NAALADL2: variants seen among roughly 807,000 people sequenced by gnomAD.
The protein encoded by NAALADL2 is N-acetylated alpha-linked acidic dipeptidase like 2.
In NAALADL2, 76 loss-of-function variants were observed where a neutral mutation model predicts 87.2. The ratio of observed to expected loss-of-function variants is 0.87; its 90% confidence interval spans 0.72 to 1.05. The LOEUF is 1.05. Ranked by LOEUF, NAALADL2 falls within the 50% of genes least tolerant of loss-of-function variation. NAALADL2 has a pLI of 0.00. For missense variants in NAALADL2, 1,089 were observed against 945.8 expected, an observed-to-expected ratio of 1.15 and a Z score of -1.99; for synonymous variants, 354 against 331.0, an observed-to-expected ratio of 1.07 and a Z score of -0.75.
chr3:175,690,399 A>G (rs1025031694), intron 11 of NAALADL2, among the ~76,000 whole-genome samples: 1 of 152,126 alleles, frequency 6.6e-6, no homozygotes, highest in African/African-American at 2.4e-5. Context: ...TGATACTATC[A>G]TAAGGCAAAC....
chr3:175,436,000 C>T (rs1334598594), intron 5 of NAALADL2, among the ~76,000 whole-genome samples: 1 of 115,268 alleles, frequency 8.7e-6, no homozygotes, highest in African/African-American at 3.3e-5. Context: ...TCCCTCCCCC[C>T]TCCCCCCACC....
chr3:175,698,718 A>G (rs2149956158), intron 11 of NAALADL2, among the ~76,000 whole-genome samples: 1 of 151,750 alleles, frequency 6.6e-6, no homozygotes, highest in Non-Finnish European at 1.5e-5. Flanking sequence ...TATTTAAGTT[A>G]AAGACATTAT....
intron 1 of NAALADL2, among the ~76,000 whole-genome samples, chr3:174,861,648 T>C (rs1054770211): frequency 8.5e-5 from 13 of 152,108 alleles, no homozygotes; most frequent in Admixed American, 2.6e-4. Context: ...TAGATTATCA[T>C]TGGAACTCCA....
chr3:175,424,278 C>T (rs1222253798), intron 5 of NAALADL2, among the ~76,000 whole-genome samples: 1 of 152,108 alleles, frequency 6.6e-6, no homozygotes, highest in Non-Finnish European at 1.5e-5. Context: ...TCCCATTTGT[C>T]AATTTTGGCT....
chr3:175,267,527 A>AAATT (rs750678120), intron 4 of NAALADL2, among the ~76,000 whole-genome samples: 2 of 152,154 alleles, frequency 1.3e-5, no homozygotes, highest in Non-Finnish European at 2.9e-5. Flanking sequence ...AAACTCTGTT[A>AAATT]AATTTATTTT....
intron 5 of NAALADL2, among the ~76,000 whole-genome samples, chr3:175,354,195 G>A (rs1018661012): frequency 1.3e-5 from 2 of 152,044 alleles, no homozygotes; most frequent in Admixed American, 6.6e-5. Flanking sequence ...GTACCTTATC[G>A]ATGACACCTT....
At chr3:174,544,567 C>CTTTTTTTTTTTTTTTTTT (rs10575227) in intron 1 of NAALADL2, among the ~76,000 whole-genome samples, 7 of 115,166 alleles carry the variant, frequency 6.1e-5, no homozygotes, top group Non-Finnish European at 1.2e-4. Flanking sequence ...TTTTTGTTTT[C>CTTTTTTTTTTTTTTTTTT]TTTTTTTTTT....
intron 1 of NAALADL2, among the ~76,000 whole-genome samples, chr3:174,931,152 C>T (rs1736836204): frequency 6.6e-6 from 1 of 152,070 alleles, no homozygotes; most frequent in African/African-American, 2.4e-5. Flanking sequence ...GACTATAAAG[C>T]CATGCCTGTG....
Position 175,339,599 on chromosome 3 carries a change from T to C in NAALADL2, c.1090+15274T>C, listed in dbSNP as rs1319753033. On this transcript the variant is annotated intron_variant, in intron 5 of 13. Coordinates refer to ENST00000454872, the MANE Select transcript of NAALADL2 (RefSeq NM_207015.3). Reference sequence around the variant, plus strand: ...CTAGTCCTGAGCAAAAGAATGAATATGAGAATGGGCACAGAATATAAGTGG... The same window carrying C: ...CTAGTCCTGAGCAAAAGAATGAATACGAGAATGGGCACAGAATATAAGTGG... 2.0e-5 allele frequency among the ~76,000 whole-genome samples: 3 copies of C among 152,194 alleles called. No homozygotes were observed. In the East Asian group the frequency reaches 5.8e-4, roughly 29 times the overall value.
intron 3 of NAALADL2, among the ~76,000 whole-genome samples, chr3:174,854,236 G>T (rs59374224): frequency 2.8e-4 from 42 of 152,114 alleles, no homozygotes; most frequent in Non-Finnish European, 4.7e-4. Flanking sequence ...GCAGTACATG[G>T]ATGGAACTGG....
Position 175,583,428 on chromosome 3 carries a change from G to A in NAALADL2, c.1800+7241G>A, listed in dbSNP as rs560892729. Among the ~76,000 whole-genome samples, 5 of 150,380 alleles carry A rather than the reference G, an allele frequency of 3.3e-5. No individual in the cohort carries two copies. The South Asian group carries it at 8.4e-4, about 25-fold the overall frequency. On this transcript the variant is annotated intron_variant, in intron 10 of 13. Coordinates refer to ENST00000454872, the MANE Select transcript of NAALADL2 (RefSeq NM_207015.3). ...TAATTGTTACATAAGCTTGTGAATC[G>A]TGAATATGAAAGAAAAGCTGCTAAG...
intron 5 of NAALADL2, among the ~76,000 whole-genome samples, chr3:175,388,986 T>G (rs1268326953): frequency 6.6e-6 from 1 of 152,118 alleles, no homozygotes; most frequent in Non-Finnish European, 1.5e-5. Flanking sequence ...CTATTTTGTT[T>G]CTGTTTAATG....
At chr3:175,635,717 A>G (rs1416404858) in intron 11 of NAALADL2, among the ~76,000 whole-genome samples, 1 of 142,948 alleles carries the variant, frequency 7.0e-6, no homozygotes, top group South Asian at 2.2e-4. Flanking sequence ...TTTTGATGTT[A>G]ATTTCTGCAT....
intron 2 of NAALADL2, among the ~76,000 whole-genome samples, chr3:174,718,139 T>A (rs755274974): frequency 6.6e-6 from 1 of 151,816 alleles, no homozygotes; most frequent in Non-Finnish European, 1.5e-5. Context: ...AAACAAAAAA[T>A]GAAACAAAAA....
chr3:174,720,064 T>A (rs921904451), intron 2 of NAALADL2, among the ~76,000 whole-genome samples: 11 of 152,292 alleles, frequency 7.2e-5, no homozygotes, highest in African/African-American at 2.4e-4. Context: ...CCTCCTGAAG[T>A]GCTGGGATTA....
intron 11 of NAALADL2, among the ~76,000 whole-genome samples, chr3:175,713,891 C>T (rs1740875354): frequency 6.6e-6 from 1 of 151,064 alleles, no homozygotes; most frequent in African/African-American, 2.5e-5. Flanking sequence ...GCCCCCCACT[C>T]CCCAATAGGC....
chr3:174,895,769 C>T lies in NAALADL2; in HGVS notation c.43+36319C>T, dbSNP rs375687247. ...CAAACAAACAACTGCAGGCCAATAA[C>T]TCTGATAAATATTGAATAAAAAATC... On this transcript the variant is annotated intron_variant, in intron 1 of 13. Coordinates refer to ENST00000454872, the MANE Select transcript of NAALADL2 (RefSeq NM_207015.3). Among the ~76,000 whole-genome samples, 14 of 152,138 alleles carry T rather than the reference C, an allele frequency of 9.2e-5. No homozygotes were observed. In the East Asian group the frequency reaches 2.3e-3, roughly 25 times the overall value.
At chr3:175,093,416 T>TTATATATATATATA (rs1179118417) in intron 1 of NAALADL2, among the ~76,000 whole-genome samples, 1 of 139,524 alleles carries the variant, frequency 7.2e-6, no homozygotes, top group Non-Finnish European at 1.5e-5. Context: ...TTTTATTTTT[T>TTATATATATATATA]TATATATATA....
chr3:175,242,935 G>A (rs553469137), intron 3 of NAALADL2, among the ~76,000 whole-genome samples: 1 of 152,262 alleles, frequency 6.6e-6, no homozygotes, highest in East Asian at 1.9e-4. Context: ...TTAGTGTTCT[G>A]TAAGATAGAC....
Sources: gnomAD v4.1 joint callset for allele counts (sites outside exome capture counted in the v4.1 genomes callset) on GRCh38, gnomAD v4.1.1 for gene constraint, MANE v1.5 for transcripts, NCBI Gene and HGNC (gene_info 2026-07-23, HGNC 2026-07-21) for gene names.